The following ZNF22 variants were observed in gnomAD, a reference collection of about 807,000 sequenced individuals.
The protein encoded by ZNF22 is zinc finger protein 22, also known as krox-26 protein.
ZNF22 carries 15 observed loss-of-function variants against 17.0 expected under a neutral mutation model. The observed-to-expected ratio is 0.88, with a 90% CI of 0.59 to 1.36. ZNF22 has a LOEUF of 1.36. Ranked by LOEUF, ZNF22 falls within the 40% of genes most tolerant of loss-of-function variation. The pLI is 0.00. For synonymous variants in ZNF22, 84 were observed against 90.7 expected (o/e 0.93, Z 0.42); for missense variants, 272 against 276.1 (o/e 0.98, Z 0.11).
chr10:45,001,897 A>G (rs1842336550), intron 1 of ZNF22, among the ~76,000 whole-genome samples: 1 of 151,242 alleles, frequency 6.6e-6, no homozygotes, highest in Non-Finnish European at 1.5e-5. Flanking sequence ...AAAAAAAAAA[A>G]GCAACACCAA....
chr10:45,001,512 C>G (rs964787066), intron 1 of ZNF22, among the ~76,000 whole-genome samples: 3 of 152,200 alleles, frequency 2.0e-5, no homozygotes, highest in Non-Finnish European at 4.4e-5. Context: ...GCTTCTGTCA[C>G]TCAGGTTTAA....
At chr10:45,002,237 A>G (rs1191315890) in intron 1 of ZNF22, 1 of 152,278 alleles carries the variant, frequency 6.6e-6, no homozygotes, top group African/African-American at 2.4e-5. Context: ...AATAGTTCCA[A>G]TAATTTTATT....
chr10:45,003,841 A>T lies in ZNF22; in HGVS notation c.473A>T (p.Gln158Leu), dbSNP rs768119479. The change falls in exon 2 of 2, where the codon CAG becomes CTG. Residue 158 changes from glutamine to leucine, a missense_variant. Physicochemically the swap from Gln to Leu is moderately radical, Grantham distance 113. Transcript: ENST00000298299. Reference sequence around the variant, plus strand: ...CAGAGCTCCCACCTTATTCAACATCAGAGAACCCACACTGGGGAGAAACCC... The same window carrying T: ...CAGAGCTCCCACCTTATTCAACATCTGAGAACCCACACTGGGGAGAAACCC... ...FSQSSHLIQH[Q>L]RTHTGEKPYQ... The T allele has an allele frequency of 8.7e-6, 14 of 1,614,170 alleles. No individual in the cohort carries two copies. The South Asian group carries it at 1.5e-4, about 18-fold the overall frequency.
At chr10:45,001,823 G>C (rs1268929855) in intron 1 of ZNF22, among the ~76,000 whole-genome samples, 1 of 151,714 alleles carries the variant, frequency 6.6e-6, no homozygotes, top group African/African-American at 2.4e-5. Context: ...TTTCTGACTA[G>C]ATCTGACTTC....
At chr10:45,002,201 CCA>C (rs1328916683) in intron 1 of ZNF22, 28 of 152,306 alleles carry the variant, frequency 1.8e-4, no homozygotes, top group Non-Finnish European at 3.2e-4. Flanking sequence ...ATTTTAAATT[CCA>C]CATTCTGACA....
rs1316706553 is a variant in ZNF22 at position 45,004,171 on chromosome 10, T to C, written c.*128T>C. On this transcript the variant is annotated 3_prime_UTR_variant, in exon 2 of 2. Coordinates refer to ENST00000298299, the MANE Select transcript of ZNF22 (RefSeq NM_006963.5). ...ACTTAAATACTGGATCTTTTGCTAGTGTGAAAACATTGGGAATTTAATGAC... is the reference window on the plus strand; with the variant it reads ...ACTTAAATACTGGATCTTTTGCTAGCGTGAAAACATTGGGAATTTAATGAC... 1 of 1,023,010 alleles carries C rather than the reference T, an allele frequency of 9.8e-7. No homozygotes were observed. The allele number at this position is 1,023,010 out of a possible 1,614,324, so 63.4% of individuals were successfully genotyped here. A position where few individuals can be genotyped will look rare whatever the true frequency, so the allele number is the denominator to read the frequency against.
At position 45,005,157 on chromosome 10, in the gene ZNF22, A is replaced by G. The variant is rs1335843251; in HGVS notation, c.*1114A>G. ...CCGGCAAACATGTTTCTTCACTTCC[A>G]TGAGAATGGTGCCAAGTGTCAGACT... On this transcript the variant is annotated 3_prime_UTR_variant, in exon 2 of 2. Coordinates refer to ENST00000298299, the MANE Select transcript of ZNF22 (RefSeq NM_006963.5). 3 of 166,910 alleles carry G rather than the reference A, an allele frequency of 1.8e-5. No homozygotes were observed. Among genetic ancestry groups the G allele is most frequent in the Non-Finnish European group, 4.4e-5 (3 of 68,114 alleles). The allele number at this position is 166,910 out of a possible 1,614,324, so 10.3% of individuals were successfully genotyped here.
Position 45,003,482 on chromosome 10 carries a change from A to G in ZNF22, c.114A>G (p.Arg38=), listed in dbSNP as rs748963076. The part of the protein sequence containing the change: ...RQRQKWGMTI[R]FDSSFSRLRR... ...GGCAGAAGTGGGGCATGACTATTCG[A>G]TTTGACTCAAGCTTCAGTAGACTCA... The change falls in exon 2 of 2, where the codon CGA becomes CGG. Residue 38 remains arginine (R), a synonymous_variant. Coordinates refer to ENST00000298299, the MANE Select transcript of ZNF22 (RefSeq NM_006963.5). 3.1e-6 allele frequency: 5 copies of G among 1,614,270 alleles called. No homozygotes were observed. Among genetic ancestry groups the G allele is most frequent in the African/African-American group, 2.7e-5 (2 of 75,064 alleles).
At position 45,004,268 on chromosome 10, in the gene ZNF22, G is replaced by A. The variant is rs1013225069; in HGVS notation, c.*225G>A. On this transcript the variant is annotated 3_prime_UTR_variant, in exon 2 of 2. Coordinates refer to ENST00000298299, the MANE Select transcript of ZNF22 (RefSeq NM_006963.5). ...TTTTTTATGTGACATGGAGCACAAAGAACTGAAAATATGTTTTGAGGGAGC... is the reference window on the plus strand; with the variant it reads ...TTTTTTATGTGACATGGAGCACAAAAAACTGAAAATATGTTTTGAGGGAGC... 2.1e-6 allele frequency: 1 copy of A among 465,888 alleles called. No homozygotes were observed. The highest frequency in any genetic ancestry group is 3.8e-6 in the Non-Finnish European group (1 of 262,340). 28.9% of individuals were successfully genotyped at this position (465,888 alleles called of 1,614,324 possible).
intron 1 of ZNF22, among the ~76,000 whole-genome samples, chr10:45,001,533 G>A (rs1842332532): frequency 6.6e-6 from 1 of 152,190 alleles, no homozygotes; most frequent in Non-Finnish European, 1.5e-5. Context: ...CTTCGTGCTT[G>A]CCCCTGCTGG....
chr10:45,003,708 G>A lies in ZNF22; in HGVS notation c.340G>A (p.Asp114Asn), dbSNP rs781443577. 1.2e-6 allele frequency: 2 copies of A among 1,614,200 alleles called. No homozygotes were observed. The highest frequency in any genetic ancestry group is 1.7e-5 in the Admixed American group (1 of 60,024). The change falls in exon 2 of 2, where the codon GAT becomes AAT. Residue 114 changes from aspartate to asparagine, a missense_variant. By Grantham distance (23) the Asp-to-Asn change is conservative (BLOSUM62 1). Coordinates refer to ENST00000298299, the MANE Select transcript of ZNF22 (RefSeq NM_006963.5). ...TACGGGGGAAAAGCCCTACAAATGT[G>A]ATGAGTGTGGAGAAAGCTTCAAACA... ...IHTGEKPYKCDECGESFKQSS... is the reference protein window; with the variant it reads ...IHTGEKPYKCNECGESFKQSS...
Position 45,003,667 on chromosome 10 carries a change from A to C in ZNF22, c.299A>C (p.Gln100Pro), listed in dbSNP as rs760596989. 6.2e-7 allele frequency: 1 copy of C among 1,614,260 alleles called. No individual in the cohort carries two copies. Among genetic ancestry groups the C allele is most frequent in the African/African-American group, 1.3e-5 (1 of 75,072 alleles). The stretch of plus-strand genomic sequence containing the variant: ...TTCTTTCAGAGTTCTAATCTCATTC[A>C]GCATCGACGGATCCATACGGGGGAA... ...KSFFQSSNLI[Q>P]HRRIHTGEKP... Residue 100 changes from glutamine to proline, a missense_variant, in exon 2 of 2, where the codon CAG becomes CCG. By Grantham distance (76) the Gln-to-Pro change is moderately conservative. Coordinates refer to ENST00000298299, the MANE Select transcript of ZNF22 (RefSeq NM_006963.5).
At chr10:45,001,543 G>A (rs1188732564) in intron 1 of ZNF22, among the ~76,000 whole-genome samples, 2 of 152,148 alleles carry the variant, frequency 1.3e-5, no homozygotes, top group Admixed American at 6.5e-5. Context: ...GCCCCTGCTG[G>A]GGAGCTATGC....
At position 45,003,550 on chromosome 10, in the gene ZNF22, A is replaced by G; in HGVS notation, c.182A>G (p.Glu61Gly). 1 of 1,614,244 alleles carries G rather than the reference A, an allele frequency of 6.2e-7. No individual in the cohort carries two copies. The highest frequency in any genetic ancestry group is 8.5e-7 in the Non-Finnish European group (1 of 1,180,022). ...DDKPYKCTEC[E>G]KSFSQSSTLF... The stretch of plus-strand genomic sequence containing the variant: ...AAACCCTATAAATGTACTGAATGTG[A>G]AAAGAGTTTCAGTCAGAGTTCAACT... The change falls in exon 2 of 2, where the codon GAA becomes GGA. Residue 61 changes from glutamate to glycine, a missense_variant. Transcript: ENST00000298299.
At chr10:45,001,142 G>A (rs1159466771) in intron 1 of ZNF22, among the ~76,000 whole-genome samples, 164 bp downstream of exon 1, 1 of 150,360 alleles carries the variant, frequency 6.7e-6, no homozygotes, top group Non-Finnish European at 1.5e-5. Flanking sequence ...GGGCGGGAGG[G>A]CCACGCGGGC....
chr10:45,000,959 G>T lies in ZNF22; in HGVS notation c.-109G>T. 2.1e-6 allele frequency: 2 copies of T among 942,494 alleles called. No individual in the cohort carries two copies. Among genetic ancestry groups the T allele is most frequent in the Non-Finnish European group, 2.8e-6 (2 of 726,988 alleles). The allele number at this position is 942,494 out of a possible 1,614,324, so 58.4% of individuals were successfully genotyped here. Reference sequence around the variant, plus strand: ...CGCGGGAGGCGCCCAGCGAGCCAGAGTGGTGGCTGGTCCCGCGCGGTGAGT... The same window carrying T: ...CGCGGGAGGCGCCCAGCGAGCCAGATTGGTGGCTGGTCCCGCGCGGTGAGT... On this transcript the variant is annotated 5_prime_UTR_variant, in exon 1 of 2. Transcript: ENST00000298299.
chr10:45,003,820 G>A lies in ZNF22; in HGVS notation c.452G>A (p.Ser151Asn), dbSNP rs763093398. Residue 151 changes from serine to asparagine, a missense_variant, in exon 2 of 2, where the codon AGC becomes AAC. By Grantham distance (46) the Ser-to-Asn change is conservative. Transcript: ENST00000298299. ...CDECGRCFSQ[S>N]SHLIQHQRTH... ...GAGTGTGGCCGGTGTTTCAGCCAGA[G>A]CTCCCACCTTATTCAACATCAGAGA... 18 of 1,613,996 alleles carry A rather than the reference G, an allele frequency of 1.1e-5. No individual in the cohort carries two copies. Among genetic ancestry groups the A allele is most frequent in the African/African-American group, 5.3e-5 (4 of 74,904 alleles).
rs1315514436 is a variant in ZNF22 at position 45,004,888 on chromosome 10, C to CT, written c.*846dup. ...ACCTCTTCTGGCATTCTCCTGTGCT[C>CT]TGACAAACTGAGCCAGCCTTTTAGA... On this transcript the variant is annotated 3_prime_UTR_variant, in exon 2 of 2. Coordinates refer to ENST00000298299, the MANE Select transcript of ZNF22 (RefSeq NM_006963.5). 1.2e-5 allele frequency: 2 copies of CT among 166,978 alleles called. No individual in the cohort carries two copies. Among genetic ancestry groups the CT allele is most frequent in the African/African-American group, 4.8e-5 (2 of 41,406 alleles). The allele number at this position is 166,978 out of a possible 1,614,324, so 10.3% of individuals were successfully genotyped here. A position where few individuals can be genotyped will look rare whatever the true frequency, so the allele number is the denominator to read the frequency against.
intron 1 of ZNF22, chr10:45,002,579 CT>C (rs1428355848): frequency 6.6e-6 from 1 of 152,148 alleles, no homozygotes; most frequent in Non-Finnish European, 1.5e-5. Context: ...CAACAAATTG[CT>C]TTCTTGGATC....
Sources: gnomAD v4.1 joint callset for allele counts (sites outside exome capture counted in the v4.1 genomes callset) on GRCh38, gnomAD v4.1.1 for gene constraint, MANE v1.5 for transcripts, NCBI Gene and HGNC (gene_info 2026-07-23, HGNC 2026-07-21) for gene names.